SMC4: variants seen among roughly 807,000 people sequenced by gnomAD.
SMC4 encodes the protein structural maintenance of chromosomes protein 4.
Under a neutral mutation model 145.6 loss-of-function variants are expected in SMC4, and 87 were observed. The ratio of observed to expected loss-of-function variants is 0.60; its 90% CI spans 0.50 to 0.71. The LOEUF (loss-of-function observed/expected upper bound fraction) is 0.71. SMC4 is among the 30% of genes least tolerant of loss of function. The pLI is 0.00. For missense variants in SMC4, 1,447 were observed against 1,537.1 expected (o/e 0.94, Z 0.98); for synonymous variants, 558 against 500.7 (o/e 1.11, Z -1.53).
In SMC4 at chr3:160,412,015, A is replaced by G; in HGVS notation, c.783A>G (p.Gly261=). The G allele has an allele frequency of 1.9e-6, 3 of 1,613,686 alleles. No homozygotes were observed. The highest frequency in any genetic ancestry group is 2.2e-5 in the East Asian group (1 of 44,758). The stretch of plus-strand genomic sequence containing the variant: ...ATTTAGAAGATATAATTGGTTGTGG[A>G]CGGCTAAATGAACCTATTAAAGTCT... The part of the protein sequence containing the change: ...LEYLEDIIGC[G]RLNEPIKVLC... The change falls in exon 6 of 24, where the codon GGA becomes GGG. Residue 261 remains glycine, a synonymous_variant. Coordinates refer to ENST00000357388, the MANE Select transcript of SMC4 (RefSeq NM_001002800.3).
Position 160,423,791 on chromosome 3 carries a change from TGAAAG to T in SMC4, c.2280_2284del (p.Gly761AsnfsTer8). ...ATGACTGGTGGTGGAAGCAAAGTAA[TGAAAG>T]GAAGAATGGGTTCCTCACTTGTTAT... On this transcript the variant is annotated frameshift_variant, in exon 15 of 24. Transcript: ENST00000357388. LOFTEE classifies it high-confidence loss of function. 1 of 1,613,692 alleles carries T rather than the reference TGAAAG, an allele frequency of 6.2e-7. No homozygotes were observed. Among genetic ancestry groups the T allele is most frequent in the Non-Finnish European group, 8.5e-7 (1 of 1,179,876 alleles).
At chr3:160,432,095 G>C (rs150116357) in intron 21 of SMC4, among the ~76,000 whole-genome samples, 188 bp from the exon 22 acceptor site, 1 of 152,170 alleles carries the variant, frequency 6.6e-6, no homozygotes, top group Non-Finnish European at 1.5e-5. Flanking sequence ...CCGGGTACTC[G>C]GGAGGCTGAG....
Position 160,411,920 on chromosome 3 carries a change from G to C in SMC4, c.688G>C (p.Gly230Arg). The change falls in exon 6 of 24, where the codon GGT becomes CGT. Residue 230 changes from glycine (G) to arginine (R), a missense_variant and splice_region_variant. Coordinates refer to ENST00000357388, the MANE Select transcript of SMC4 (RefSeq NM_001002800.3). Reference sequence around the variant, plus strand: ...TATGAAATATAACTTTTTTTTAAAGGGTGAAGTTGAACAAATTGCTATGAT... The same window carrying C: ...TATGAAATATAACTTTTTTTTAAAGCGTGAAGTTGAACAAATTGCTATGAT... ...LDHNRFLILQ[G>R]EVEQIAMMKP... 6.2e-7 allele frequency: 1 copy of C among 1,609,496 alleles called. No homozygotes were observed. Among genetic ancestry groups the C allele is most frequent in the Non-Finnish European group, 8.5e-7 (1 of 1,178,034 alleles).
chr3:160,425,153 A>G (rs910406747), intron 16 of SMC4, 134 bp downstream of exon 16: 29 of 1,306,232 alleles, frequency 2.2e-5, no homozygotes, highest in Non-Finnish European at 2.7e-5. Context: ...ATAGGCAGAT[A>G]TAACTCTTGA....
Position 160,414,612 on chromosome 3 carries a change from T to C in SMC4, c.1272+95T>C, listed in dbSNP as rs1041407635. ...GCCCCTTATTGCCTAAGAGAATGAA[T>C]TAGTATTCTAAATGTTGTTTTAAGG... On this transcript the variant is annotated intron_variant, in intron 9 of 23. Transcript: ENST00000357388. 4.3e-6 allele frequency: 5 copies of C among 1,155,072 alleles called. No homozygotes were observed. The Admixed American group carries it at 1.1e-4, about 27-fold the overall frequency. The allele number at this position is 1,155,072 out of a possible 1,614,324, so 71.6% of individuals were successfully genotyped here. A position where few individuals can be genotyped will look rare whatever the true frequency, so the allele number is the denominator to read the frequency against.
chr3:160,431,807 C>T lies in SMC4; in HGVS notation c.3279C>T (p.Ile1093=), dbSNP rs540339228. The part of the protein sequence containing the change: ...CHEMKPNLGA[I]AEYKKKEELY... ...AAATGAAACCAAACCTCGGTGCCAT[C>T]GCAGAGTATAAAAAGAAGGTATGAA... is the stretch of plus-strand genomic sequence containing the variant. The change falls in exon 21 of 24, where the codon ATC becomes ATT. Residue 1093 remains isoleucine (I), a synonymous_variant. Transcript: ENST00000357388. 1.3e-5 allele frequency: 21 copies of T among 1,612,834 alleles called. No individual in the cohort carries two copies. Among genetic ancestry groups the T allele is most frequent in the East Asian group, 8.9e-5 (4 of 44,868 alleles).
chr3:160,418,695 G>C (rs1716840433), intron 11 of SMC4, among the ~76,000 whole-genome samples: 1 of 152,098 alleles, frequency 6.6e-6, no homozygotes, highest in Non-Finnish European at 1.5e-5. Context: ...TCAGTAACTT[G>C]GTTTAAACTT....
Position 160,404,477 on chromosome 3 carries a change from G to A in SMC4, c.660G>A (p.Leu220=). The stretch of plus-strand genomic sequence containing the variant: ...TTCTTCGAAGCCATGGAATTGACTT[G>A]GACCATAATAGATTTTTAATTTTAC... The part of the protein sequence containing the change: ...GNLLRSHGID[L]DHNRFLILQG... The change falls in exon 5 of 24, where the codon TTG becomes TTA. Residue 220 remains leucine, a synonymous_variant. Coordinates refer to ENST00000357388, the MANE Select transcript of SMC4 (RefSeq NM_001002800.3). 1.2e-6 allele frequency: 2 copies of A among 1,604,642 alleles called. No homozygotes were observed. The highest frequency in any genetic ancestry group is 1.7e-6 in the Non-Finnish European group (2 of 1,177,492).
At chr3:160,415,797 TA>T (rs1244348346) in intron 9 of SMC4, among the ~76,000 whole-genome samples, 1 of 152,202 alleles carries the variant, frequency 6.6e-6, no homozygotes, top group Non-Finnish European at 1.5e-5. Flanking sequence ...GTTAATGGAG[TA>T]AAATATTAGC....
chr3:160,404,870 A>G, intron 5 of SMC4: 1 of 444,004 alleles, frequency 2.3e-6, no homozygotes, highest in Non-Finnish European at 4.6e-6. Flanking sequence ...TTTCCCTTTA[A>G]GGTAACATTT....
chr3:160,420,128 G>T (rs532945953), intron 12 of SMC4, among the ~76,000 whole-genome samples: 3 of 152,142 alleles, frequency 2.0e-5, no homozygotes. Flanking sequence ...GGGGAAAATG[G>T]ATACCTTAAC....
In SMC4 at chr3:160,401,954, A is replaced by T. The variant is rs779051850; in HGVS notation, c.179A>T (p.Glu60Val). The T allele has an allele frequency of 2.5e-6, 4 of 1,606,500 alleles. No individual in the cohort carries two copies. The African/African-American group carries it at 5.4e-5, about 22-fold the overall frequency. ...GAACTTGATAATAGAAGTTTAGAAG[A>T]GATTTTGAACAGCATTCCTCCTCCC... ...SEELDNRSLE[E>V]ILNSIPPPPP... is the part of the protein sequence containing the mutation. The change falls in exon 3 of 24, where the codon GAG becomes GTG. Residue 60 changes from glutamate (E) to valine (V), a missense_variant. Glu to Val is a moderately radical substitution (Grantham distance 121). Coordinates refer to ENST00000357388, the MANE Select transcript of SMC4 (RefSeq NM_001002800.3).
At chr3:160,416,082 A>G (rs568635219) in intron 9 of SMC4, among the ~76,000 whole-genome samples, 169 bp from the exon 10 acceptor site, 2 of 152,276 alleles carry the variant, frequency 1.3e-5, no homozygotes, top group East Asian at 3.9e-4. Context: ...GAATATAGAA[A>G]TTACAGTGAA....
At chr3:160,403,015 G>A (rs1714877955) in intron 4 of SMC4, 148 bp downstream of exon 4, 1 of 586,344 alleles carries the variant, frequency 1.7e-6, no homozygotes, top group Non-Finnish European at 2.9e-6. Flanking sequence ...TTTATTTTGG[G>A]GGAGTGGTGG....
In SMC4 at chr3:160,433,062, CAA is replaced by C; in HGVS notation, c.3568_3569del (p.Asn1190ProfsTer9). On this transcript the variant is annotated frameshift_variant, in exon 23 of 24. Transcript: ENST00000357388. LOFTEE classifies it high-confidence loss of function. ...PPKKSWKKIF[N>X]LSGGEKTLSS... ...CTAAGAAAAGTTGGAAAAAGATCTT[CAA>C]CCTTTCGGGAGGAGAGAAAACACTT... The C allele has an allele frequency of 6.2e-7, 1 of 1,613,556 alleles. No homozygotes were observed. Among genetic ancestry groups the C allele is most frequent in the Non-Finnish European group, 8.5e-7 (1 of 1,179,656 alleles).
chr3:160,400,791 T>C, intron 1 of SMC4, 31 bp from the exon 2 acceptor site: 1 of 1,472,610 alleles, frequency 6.8e-7, no homozygotes, highest in Non-Finnish European at 8.9e-7. Context: ...GCCCGCGGGC[T>C]GACTTGCTCC....
chr3:160,422,674 T>C (rs908318936), intron 13 of SMC4, among the ~76,000 whole-genome samples: 1 of 152,216 alleles, frequency 6.6e-6, no homozygotes, highest in East Asian at 1.9e-4. Flanking sequence ...AATTTATCTT[T>C]TTTTTCCTTT....
chr3:160,421,922 T>TG (rs1228417709), intron 13 of SMC4, among the ~76,000 whole-genome samples: 1 of 152,190 alleles, frequency 6.6e-6, no homozygotes, highest in Non-Finnish European at 1.5e-5. Flanking sequence ...CACTAACTAC[T>TG]TTTTTGTTTC....
chr3:160,424,453 A>G lies in SMC4; in HGVS notation c.2326-414A>G, dbSNP rs774403693. ...TTTCTGATCAAGAAATTACTTGACC[A>G]TCTCCTGAACTTTAAGATTGGGATT... On this transcript the variant is annotated intron_variant, in intron 15 of 23. Coordinates refer to ENST00000357388, the MANE Select transcript of SMC4 (RefSeq NM_001002800.3). Among the ~76,000 whole-genome samples, 39 of 152,194 alleles carry G rather than the reference A, an allele frequency of 2.6e-4. No individual in the cohort carries two copies. In the Middle Eastern group the frequency reaches 0.017, roughly 66 times the overall value.
Sources: allele counts gnomAD v4.1 joint callset (sites outside exome capture counted in the v4.1 genomes callset), GRCh38; gene constraint gnomAD v4.1.1; transcripts MANE v1.5; gene names NCBI Gene and HGNC (gene_info 2026-07-23, HGNC 2026-07-21).